Variants in RBFOX1 observed in about 807,000 individuals in gnomAD.
RBFOX1 encodes RNA binding fox-1 homolog 1.
RBFOX1 carries 8 observed loss-of-function variants against 57.7 expected under a neutral mutation model. That is an observed-to-expected ratio of 0.14 (90% confidence interval 0.08 to 0.25). RBFOX1 has a LOEUF of 0.25. RBFOX1 is among the 10% of genes least tolerant of loss of function. The probability of loss-of-function intolerance (pLI) is 1.00; values close to 1 mark genes in which losing one functional copy is unlikely to be tolerated. For missense variants in RBFOX1, 611 were observed against 548.5 expected, an observed-to-expected ratio of 1.11 and a Z score of -1.14; for synonymous variants, 326 against 222.4, an observed-to-expected ratio of 1.47 and a Z score of -4.15.
chr16:5,879,037 A>C (rs2057693800), intron 4 of RBFOX1, among the ~76,000 whole-genome samples: 1 of 152,200 alleles, frequency 6.6e-6, no homozygotes, highest in Non-Finnish European at 1.5e-5. Flanking sequence ...ACAGGCAAGA[A>C]TTCTGGTCCT....
chr16:7,264,867 T>C (rs2095066316), intron 4 of RBFOX1, among the ~76,000 whole-genome samples: 1 of 152,232 alleles, frequency 6.6e-6, no homozygotes, highest in South Asian at 2.1e-4. Context: ...AAAAAATTGA[T>C]ACATGACTAT....
intron 3 of RBFOX1, among the ~76,000 whole-genome samples, chr16:5,817,232 G>T (rs555993525): frequency 1.3e-5 from 2 of 152,140 alleles, no homozygotes; most frequent in East Asian, 3.9e-4. Flanking sequence ...GAGCAGCCAT[G>T]TTTCTATTAC....
At chr16:6,838,204 G>A (rs1051984143) in intron 3 of RBFOX1, among the ~76,000 whole-genome samples, 2 of 151,936 alleles carry the variant, frequency 1.3e-5, no homozygotes, top group East Asian at 1.9e-4. Flanking sequence ...ACAGGCCCCA[G>A]TGTGTATTGT....
intron 4 of RBFOX1, among the ~76,000 whole-genome samples, chr16:7,137,953 G>C (rs1228734142): frequency 6.6e-6 from 1 of 152,140 alleles, no homozygotes; most frequent in Non-Finnish European, 1.5e-5. Context: ...CAGTGAGTTA[G>C]CCTCTATTTT....
At chr16:7,353,667 C>A (rs185474417) in intron 4 of RBFOX1, among the ~76,000 whole-genome samples, 1 of 152,018 alleles carries the variant, frequency 6.6e-6, no homozygotes, top group Non-Finnish European at 1.5e-5. Flanking sequence ...TGTGGATGAA[C>A]CTTGAGAATG....
chr16:6,275,615 C>T (rs1002161182), intron 1 of RBFOX1, among the ~76,000 whole-genome samples: 23 of 152,074 alleles, frequency 1.5e-4, no homozygotes, highest in African/African-American at 2.4e-4. Flanking sequence ...GTCCTAAAGT[C>T]TATATTTATT....
intron 4 of RBFOX1, among the ~76,000 whole-genome samples, chr16:7,348,547 A>C (rs1391299209): frequency 6.6e-6 from 1 of 152,178 alleles, no homozygotes; most frequent in Non-Finnish European, 1.5e-5. Context: ...ATGATATCCT[A>C]AGTAAATAGA....
intron 4 of RBFOX1, among the ~76,000 whole-genome samples, chr16:7,373,877 G>A (rs1464677616): frequency 6.6e-6 from 1 of 152,154 alleles, no homozygotes; most frequent in Non-Finnish European, 1.5e-5. Flanking sequence ...AGAGAGTTTA[G>A]GTACATTCTC....
At chr16:6,187,022 A>G (rs1377220520) in intron 1 of RBFOX1, among the ~76,000 whole-genome samples, 3 of 152,116 alleles carry the variant, frequency 2.0e-5, no homozygotes, top group Non-Finnish European at 4.4e-5. Flanking sequence ...ATACTGTTGA[A>G]CTGTAATGAT....
At chr16:6,825,027 G>A (rs1017017808) in intron 3 of RBFOX1, among the ~76,000 whole-genome samples, 1 of 82,038 alleles carries the variant, frequency 1.2e-5, no homozygotes, top group African/African-American at 3.9e-5. Context: ...GACGGCGTCT[G>A]GCTCTGTCAC....
intron 3 of RBFOX1, among the ~76,000 whole-genome samples, chr16:6,915,530 G>C (rs548974223): frequency 1.4e-5 from 2 of 146,532 alleles, no homozygotes; most frequent in Admixed American, 7.0e-5. Flanking sequence ...TTTTTTCTAA[G>C]TCCTCACCCC....
chr16:7,123,939 A>G (rs1203074629), intron 4 of RBFOX1, among the ~76,000 whole-genome samples: 1 of 152,158 alleles, frequency 6.6e-6, no homozygotes, highest in African/African-American at 2.4e-5. Flanking sequence ...GGAATCTCTA[A>G]GTTGTATTAA....
At chr16:6,333,582 A>G (rs1356201510) in intron 2 of RBFOX1, among the ~76,000 whole-genome samples, 1 of 152,154 alleles carries the variant, frequency 6.6e-6, no homozygotes, top group Non-Finnish European at 1.5e-5. Flanking sequence ...TGGTTTACGA[A>G]ATGGTCCAGT....
At chr16:6,866,878 G>A (rs1002574062) in intron 3 of RBFOX1, among the ~76,000 whole-genome samples, 6 of 152,162 alleles carry the variant, frequency 3.9e-5, no homozygotes, top group African/African-American at 1.4e-4. Context: ...ACTTTTGCAT[G>A]TGTATTACTT....
intron 4 of RBFOX1, among the ~76,000 whole-genome samples, chr16:5,997,655 T>C (rs140513499): frequency 8.5e-5 from 13 of 152,168 alleles, no homozygotes; most frequent in Admixed American, 2.0e-4. Context: ...AAACAAAATA[T>C]TGATTTCAGC....
intron 4 of RBFOX1, among the ~76,000 whole-genome samples, chr16:5,951,853 C>T (rs369023970): frequency 2.7e-4 from 41 of 150,730 alleles, no homozygotes; most frequent in Admixed American, 2.2e-3. Flanking sequence ...AGTGTGTGCG[C>T]GTGTGTGTGT....
intron 4 of RBFOX1, among the ~76,000 whole-genome samples, chr16:7,182,725 T>C (rs906448725): frequency 3.3e-5 from 5 of 150,876 alleles, no homozygotes; most frequent in African/African-American, 1.2e-4. Context: ...GGACAGCATC[T>C]CTTTCATTTC....
intron 4 of RBFOX1, among the ~76,000 whole-genome samples, chr16:7,336,061 A>G (rs541896479): frequency 2.2e-4 from 34 of 152,336 alleles, no homozygotes; most frequent in South Asian, 8.3e-4. Context: ...AGAAGAACCA[A>G]TGTACTACTT....
intron 3 of RBFOX1, among the ~76,000 whole-genome samples, chr16:6,843,451 G>C (rs567538821): frequency 1.3e-5 from 2 of 152,270 alleles, no homozygotes; most frequent in South Asian, 4.1e-4. Context: ...TACTTTGGGA[G>C]GCTGAGGCGG....
Sources: gnomAD v4.1 joint callset for allele counts (sites outside exome capture counted in the v4.1 genomes callset) on GRCh38, gnomAD v4.1.1 for gene constraint, MANE v1.5 for transcripts, NCBI Gene and HGNC (gene_info 2026-07-23, HGNC 2026-07-21) for gene names.